Variants in DNMT3A observed in about 807,000 individuals in gnomAD.
DNMT3A encodes the protein DNA (cytosine-5)-methyltransferase 3A.
In DNMT3A, 267 loss-of-function variants were observed where a neutral mutation model predicts 117.6. The observed-to-expected ratio is 2.27, with a 90% CI of 2.05 to 2.51. The LOEUF (loss-of-function observed/expected upper bound fraction) is 2.51, where lower values mean the gene tolerates loss of function less well. DNMT3A is among the 30% of genes most tolerant of loss of function. DNMT3A has a pLI of 0.00. For synonymous variants in DNMT3A, 432 were observed against 474.8 expected, an observed-to-expected ratio of 0.91 and a Z score of 1.17; for missense variants, 1,029 against 1,260.2, an observed-to-expected ratio of 0.82 and a Z score of 2.78.
intron 1 of DNMT3A, among the ~76,000 whole-genome samples, chr2:25,336,345 C>T (rs1368238989): frequency 2.0e-5 from 3 of 152,144 alleles, no homozygotes; most frequent in Non-Finnish European, 4.4e-5. Context: ...GCTGGGGCGC[C>T]TCAGCCTGAT....
Position 25,299,731 on chromosome 2 carries a change from C to T in DNMT3A, c.177+408G>A, listed in dbSNP as rs542211043. 4.3e-3 allele frequency among the ~76,000 whole-genome samples: 662 copies of T among 152,208 alleles called. 1 individual carries two copies. The highest frequency in any genetic ancestry group is 6.8e-3 in the Middle Eastern group (2 of 294). The stretch of plus-strand genomic sequence containing the variant: ...GGATCACTTGAGGTCAGGAGTTCGA[C>T]ACCAGCCTGGCCAACATGGCGAAAT... On this transcript the variant is annotated intron_variant, in intron 3 of 22. Coordinates refer to ENST00000321117, the MANE Select transcript of DNMT3A (RefSeq NM_022552.5).
chr2:25,274,761 T>TCTAGA (rs1558697788), intron 6 of DNMT3A, among the ~76,000 whole-genome samples, 180 bp downstream of exon 6: 1 of 152,192 alleles, frequency 6.6e-6, no homozygotes, highest in Non-Finnish European at 1.5e-5. Flanking sequence ...CACAGCCAGG[T>TCTAGA]ATACAGTAAG....
chr2:25,323,373 T>C (rs1043141165), intron 1 of DNMT3A, among the ~76,000 whole-genome samples: 3 of 152,136 alleles, frequency 2.0e-5, no homozygotes, highest in Non-Finnish European at 2.9e-5. Context: ...TTCACTACTT[T>C]GGTATGAGTC....
In DNMT3A at chr2:25,275,473, C is replaced by T. The variant is rs1487748936; in HGVS notation, c.492+27G>A. 2.5e-6 allele frequency: 4 copies of T among 1,590,790 alleles called. No individual in the cohort carries two copies. In the South Asian group the frequency reaches 3.4e-5, roughly 14 times the overall value. On this transcript the variant is annotated intron_variant, in intron 5 of 22. Transcript: ENST00000321117. ...GTCCTTCTTCTAGAATCAGGATCCACAGAGCCCCTGGGGGTGGAACACTTG... is the reference window on the plus strand; with the variant it reads ...GTCCTTCTTCTAGAATCAGGATCCATAGAGCCCCTGGGGGTGGAACACTTG...
intron 1 of DNMT3A, among the ~76,000 whole-genome samples, chr2:25,323,173 G>T (rs2034662546): frequency 6.6e-6 from 1 of 152,148 alleles, no homozygotes; most frequent in Admixed American, 6.5e-5. Context: ...GCGATGGAAG[G>T]ATGCTAACAT....
At chr2:25,342,288 G>A (rs1437934827), upstream of DNMT3A, 1 of 150,336 alleles carries the variant, frequency 6.7e-6, no homozygotes, top group African/African-American at 2.4e-5. This position sits in a 1 kb window ranked among gnomAD's most constrained non-coding sequence, Gnocchi z 5.9. Context: ...CTTGGCGGAG[G>A]TCTGGACCCC....
chr2:25,287,052 A>G (rs1218135295), intron 3 of DNMT3A, among the ~76,000 whole-genome samples: 1 of 152,252 alleles, frequency 6.6e-6, no homozygotes, highest in Non-Finnish European at 1.5e-5. Flanking sequence ...GACGAGGCTA[A>G]AAGTGAGAAC....
In DNMT3A at chr2:25,252,483, C is replaced by T. The variant is rs1427382637; in HGVS notation, c.640-4231G>A. Among the ~76,000 whole-genome samples the T allele has an allele frequency of 6.6e-6, 1 of 151,828 alleles. No individual in the cohort carries two copies. Among genetic ancestry groups the T allele is most frequent in the Non-Finnish European group, 1.5e-5 (1 of 67,878 alleles). On this transcript the variant is annotated intron_variant, in intron 6 of 22. Coordinates refer to ENST00000321117, the MANE Select transcript of DNMT3A (RefSeq NM_022552.5). This position sits in a 1 kb window ranked among gnomAD's most constrained non-coding sequence, Gnocchi z 5.5. ...CTGGGCCAGCCCCTCTTCTCCGGTC[C>T]GAGGGGCGCGGGGCCGGGGGGCGAG...
intron 1 of DNMT3A, among the ~76,000 whole-genome samples, chr2:25,338,328 G>A (rs1393347064): frequency 2.0e-5 from 3 of 152,202 alleles, no homozygotes; most frequent in African/African-American, 7.2e-5. Flanking sequence ...TGACATTTCG[G>A]GCCCAAAGAT....
At chr2:25,264,132 GTTTTTTTT>G (rs1175186554) in intron 6 of DNMT3A, among the ~76,000 whole-genome samples, 3 of 73,740 alleles carry the variant, frequency 4.1e-5, no homozygotes, top group Non-Finnish European at 4.7e-5. Flanking sequence ...CAACCCTTTG[GTTTTTTTT>G]TTTTTTTTTT....
At position 25,306,175 on chromosome 2, in the gene DNMT3A, T is replaced by C. The variant is rs1224165910; in HGVS notation, c.73-5932A>G. ...ACAGCCACACGCTTGCGTACCCCAATGCCACACAGACACTCACATATGCTT... is the reference window on the plus strand; with the variant it reads ...ACAGCCACACGCTTGCGTACCCCAACGCCACACAGACACTCACATATGCTT... On this transcript the variant is annotated intron_variant, in intron 2 of 22. Coordinates refer to ENST00000321117, the MANE Select transcript of DNMT3A (RefSeq NM_022552.5). This position sits in a 1 kb window ranked among gnomAD's most constrained non-coding sequence, Gnocchi z 4.1. Among the ~76,000 whole-genome samples, 1 of 152,104 alleles carries C rather than the reference T, an allele frequency of 6.6e-6. No individual in the cohort carries two copies. Among genetic ancestry groups the C allele is most frequent in the Non-Finnish European group, 1.5e-5 (1 of 68,004 alleles).
At chr2:25,326,808 T>C (rs2034805945) in intron 1 of DNMT3A, among the ~76,000 whole-genome samples, 1 of 152,192 alleles carries the variant, frequency 6.6e-6, no homozygotes, top group African/African-American at 2.4e-5. Context: ...GCTGTTGCAA[T>C]GCAGACAGCT....
At chr2:25,322,457 C>T (rs542361911) in intron 1 of DNMT3A, among the ~76,000 whole-genome samples, 4 of 152,108 alleles carry the variant, frequency 2.6e-5, no homozygotes, top group African/African-American at 9.6e-5. Context: ...CTCTCCACCC[C>T]CCACCCTCAC....
chr2:25,244,487 G>A (rs2149291065), intron 14 of DNMT3A, 53 bp downstream of exon 14: 1 of 1,600,944 alleles, frequency 6.2e-7, no homozygotes, highest in Non-Finnish European at 8.6e-7. Context: ...GCGGTGGGCG[G>A]CGGGAGCCTG....
intron 2 of DNMT3A, 56 bp downstream of exon 2, chr2:25,313,857 G>C: frequency 6.5e-7 from 1 of 1,548,502 alleles, no homozygotes; most frequent in Non-Finnish European, 8.7e-7. Flanking sequence ...CATCACATAG[G>C]GACAGGGCTC....
chr2:25,240,580 G>T, intron 18 of DNMT3A, 60 bp downstream of exon 18: 1 of 1,607,346 alleles, frequency 6.2e-7, no homozygotes. Context: ...AATATCCAAG[G>T]AGGAAGCCTA....
At position 25,286,967 on chromosome 2, in the gene DNMT3A, C is replaced by T. The variant is rs547994516; in HGVS notation, c.178-4256G>A. ...TGGAGGGCAGAGACTTTGCTCGATC[C>T]GGCTAGACTTAGCAGGGAGTGGGGC... On this transcript the variant is annotated intron_variant, in intron 3 of 22. Transcript: ENST00000321117. The surrounding 1 kb of genome is among the most constrained non-coding windows in gnomAD (Gnocchi z 4.3). Among the ~76,000 whole-genome samples the T allele has an allele frequency of 2.1e-4, 32 of 152,320 alleles. 1 individual carries two copies. The highest frequency in any genetic ancestry group is 8.3e-4 in the South Asian group (4 of 4,820).
intron 16 of DNMT3A, among the ~76,000 whole-genome samples, chr2:25,242,346 A>G (rs1674178882): frequency 6.6e-6 from 1 of 152,082 alleles, no homozygotes; most frequent in East Asian, 1.9e-4. Flanking sequence ...CTCCCCCTCC[A>G]GAAATGCTAG....
At position 25,230,438 on chromosome 2, in the gene DNMT3A, A is replaced by C. The variant is rs900804738; in HGVS notation, c.*3841T>G. ...TGCGCCACCTGGCACCTGCAGGGGAAGCTGTCATCAGCCCCCAGAACCCTT... is the reference window on the plus strand; with the variant it reads ...TGCGCCACCTGGCACCTGCAGGGGACGCTGTCATCAGCCCCCAGAACCCTT... On this transcript the variant is annotated 3_prime_UTR_variant, in exon 23 of 23. Transcript: ENST00000321117. 2 of 152,250 alleles carry C rather than the reference A, an allele frequency of 1.3e-5. No homozygotes were observed. Among genetic ancestry groups the C allele is most frequent in the Non-Finnish European group, 2.9e-5 (2 of 68,060 alleles). 9.4% of individuals were successfully genotyped at this position (152,250 alleles called of 1,614,324 possible).
Sources: gnomAD v4.1 joint callset for allele counts (sites outside exome capture counted in the v4.1 genomes callset) on GRCh38, gnomAD v4.1.1 for gene constraint, Gnocchi (gnomAD v3.1) non-coding constraint, MANE v1.5 for transcripts, NCBI Gene and HGNC (gene_info 2026-07-23, HGNC 2026-07-21) for gene names.